The following ACSM1 variants were observed in gnomAD, a reference collection of about 807,000 sequenced individuals.
The protein encoded by ACSM1 is acyl-coenzyme A synthetase ACSM1, mitochondrial.
Under a neutral mutation model 75.8 loss-of-function variants are expected in ACSM1, and 79 were observed. The ratio of observed to expected loss-of-function variants is 1.04; its 90% CI spans 0.87 to 1.26. ACSM1 has a LOEUF of 1.26. Ranked by LOEUF, ACSM1 falls within the 50% of genes most tolerant of loss-of-function variation. ACSM1 has a pLI of 0.00. For synonymous variants in ACSM1, 279 were observed against 265.8 expected (o/e 1.05, Z -0.48); for missense variants, 676 against 720.1 (o/e 0.94, Z 0.70).
chr16:20,658,525 C>T (rs2019113142), intron 7 of ACSM1, among the ~76,000 whole-genome samples: 1 of 152,066 alleles, frequency 6.6e-6, no homozygotes, highest in African/African-American at 2.4e-5. Flanking sequence ...TCCTATCTGG[C>T]CTAGAACAAT....
chr16:20,629,951 C>A (rs1177475016), intron 10 of ACSM1, among the ~76,000 whole-genome samples: 1 of 146,956 alleles, frequency 6.8e-6, no homozygotes, highest in African/African-American at 2.6e-5. Context: ...GAAATCGCAC[C>A]ACTGCACTGC....
At chr16:20,683,789 C>T (rs983870982) in intron 3 of ACSM1, among the ~76,000 whole-genome samples, 4 of 150,484 alleles carry the variant, frequency 2.7e-5, no homozygotes, top group Non-Finnish European at 5.9e-5. Flanking sequence ...AGGATGGTCT[C>T]GATCTCCTGA....
At chr16:20,635,624 C>G (rs1055246051) in intron 10 of ACSM1, among the ~76,000 whole-genome samples, 1 of 111,590 alleles carries the variant, frequency 9.0e-6, no homozygotes, top group Admixed American at 9.4e-5. Context: ...TTCTTTCTTT[C>G]TTTCTTTCTT....
In ACSM1 at chr16:20,623,284, A is replaced by T. The variant is rs952547749; in HGVS notation, c.*202T>A. ...TTGCGTTATGAGTGCTCACCTGGGA[A>T]ATTCTAAAGATACAGAGGACTTGGA... On this transcript the variant is annotated 3_prime_UTR_variant, in exon 14 of 14. Coordinates refer to ENST00000520010, the MANE Select transcript of ACSM1 (RefSeq NM_001318890.3). The T allele has an allele frequency of 1.5e-4, 83 of 556,002 alleles. No homozygotes were observed. The highest frequency in any genetic ancestry group is 1.4e-3 in the African/African-American group (72 of 52,872). The allele number at this position is 556,002 out of a possible 1,614,324, so 34.4% of individuals were successfully genotyped here. A position where few individuals can be genotyped will look rare whatever the true frequency, so the allele number is the denominator to read the frequency against.
chr16:20,651,714 C>T (rs1319049886), intron 7 of ACSM1, among the ~76,000 whole-genome samples: 1 of 151,802 alleles, frequency 6.6e-6, no homozygotes, highest in South Asian at 2.1e-4. Flanking sequence ...TTAAAAAGTG[C>T]TTAAATCAGA....
chr16:20,638,948 A>G (rs2017895684), intron 8 of ACSM1, among the ~76,000 whole-genome samples: 1 of 152,228 alleles, frequency 6.6e-6, no homozygotes, highest in African/African-American at 2.4e-5. Flanking sequence ...CCATTCAAAC[A>G]TAGGCCCGAA....
At chr16:20,626,382 A>T (rs558646522) in intron 11 of ACSM1, among the ~76,000 whole-genome samples, 10 of 152,084 alleles carry the variant, frequency 6.6e-5, no homozygotes, top group African/African-American at 2.4e-4. Context: ...TAAAATAAAA[A>T]AATAAAAATG....
intron 8 of ACSM1, 123 bp downstream of exon 8, chr16:20,640,338 T>TCAAAATCATCTTTGGGGAAAGG: frequency 8.5e-7 from 1 of 1,180,836 alleles, no homozygotes; most frequent in Non-Finnish European, 1.2e-6. Flanking sequence ...ATTGAAGCCC[T>TCAAAATCATCTTTGGGGAAAGG]CAAAATCATC....
At chr16:20,635,735 G>A (rs1307836640) in intron 10 of ACSM1, among the ~76,000 whole-genome samples, 2 of 151,882 alleles carry the variant, frequency 1.3e-5, no homozygotes, top group Admixed American at 6.6e-5. Context: ...CGCCTCCCGG[G>A]TTTAAGTGAT....
At chr16:20,671,033 G>A (rs963133679) in intron 5 of ACSM1, among the ~76,000 whole-genome samples, 1 of 152,136 alleles carries the variant, frequency 6.6e-6, no homozygotes, top group African/African-American at 2.4e-5. Context: ...CCCTCTTAGA[G>A]GTGATGGCTT....
At chr16:20,669,441 AACACACACACACACACACACACAC>A (rs71149170) in intron 6 of ACSM1, among the ~76,000 whole-genome samples, 1 of 141,252 alleles carries the variant, frequency 7.1e-6, no homozygotes, top group Non-Finnish European at 1.5e-5. Context: ...TGAGTAAGAA[AACACACACACACACACACACACAC>A]ACACACACAC....
intron 7 of ACSM1, among the ~76,000 whole-genome samples, chr16:20,641,882 G>A (rs368991705): frequency 3.3e-5 from 5 of 152,206 alleles, no homozygotes; most frequent in African/African-American, 7.2e-5. Context: ...AAAGAAGCTC[G>A]GTGGGAAAGT....
At chr16:20,643,100 C>T (rs1052569507) in intron 7 of ACSM1, among the ~76,000 whole-genome samples, 3 of 152,168 alleles carry the variant, frequency 2.0e-5, no homozygotes, top group Non-Finnish European at 4.4e-5. Flanking sequence ...TGACCCTTGG[C>T]TCAGCCCAGA....
intron 10 of ACSM1, among the ~76,000 whole-genome samples, chr16:20,630,946 C>T (rs757601025): frequency 9.9e-5 from 15 of 152,050 alleles, no homozygotes; most frequent in Non-Finnish European, 1.5e-4. Flanking sequence ...GAAGAAGTCA[C>T]GAGGAAATTT....
chr16:20,647,277 G>A (rs1386294499), intron 7 of ACSM1, among the ~76,000 whole-genome samples: 2 of 152,196 alleles, frequency 1.3e-5, no homozygotes, highest in African/African-American at 2.4e-5. Flanking sequence ...ACCTTGGACC[G>A]GGTTCGCCCA....
chr16:20,672,556 A>T (rs2020007261), intron 4 of ACSM1, among the ~76,000 whole-genome samples: 1 of 134,836 alleles, frequency 7.4e-6, no homozygotes, highest in Non-Finnish European at 1.5e-5. Context: ...TTATATATAA[A>T]TATATAAAAT....
Position 20,691,231 on chromosome 16 carries a change from A to C in ACSM1, c.-43T>G. ...AAACCAGGCACAGAGTTCTCAAGTCACCACCTGCCTTGGGAAGAGATGGCT... is the reference window on the plus strand; with the variant it reads ...AAACCAGGCACAGAGTTCTCAAGTCCCCACCTGCCTTGGGAAGAGATGGCT... On this transcript the variant is annotated 5_prime_UTR_variant, in exon 2 of 14. Transcript: ENST00000520010. 6.8e-7 allele frequency: 1 copy of C among 1,476,294 alleles called. No homozygotes were observed. The highest frequency in any genetic ancestry group is 9.0e-7 in the Non-Finnish European group (1 of 1,108,794). 91.4% of individuals were successfully genotyped at this position (1,476,294 alleles called of 1,614,324 possible).
rs559504095 is a variant in ACSM1 at position 20,627,331 on chromosome 16, G to C, written c.1300-15C>G. 6.4e-7 allele frequency: 1 copy of C among 1,557,748 alleles called. No individual in the cohort carries two copies. ...TCTGGGTCACCCTGCAAAAAGAAGA[G>C]AGCTCCTTTGTTGAAGGCAGTGAAT... On this transcript the variant is annotated splice_polypyrimidine_tract_variant and intron_variant, in intron 10 of 13. Coordinates refer to ENST00000520010, the MANE Select transcript of ACSM1 (RefSeq NM_001318890.3).
chr16:20,630,505 G>C (rs1044862963), intron 10 of ACSM1, among the ~76,000 whole-genome samples: 19 of 152,094 alleles, frequency 1.2e-4, no homozygotes, highest in African/African-American at 4.3e-4. Context: ...ATAAACCTCA[G>C]AGCCCCAAAA....
Sources: allele counts gnomAD v4.1 joint callset (sites outside exome capture counted in the v4.1 genomes callset), GRCh38; gene constraint gnomAD v4.1.1; transcripts MANE v1.5; gene names NCBI Gene and HGNC (gene_info 2026-07-23, HGNC 2026-07-21).